Variants in EPHA5 observed in about 807,000 individuals in gnomAD.
EPHA5 encodes the protein ephrin type-A receptor 5.
EPHA5 carries 60 observed loss-of-function variants against 105.0 expected under a neutral mutation model. That is an observed-to-expected ratio of 0.57 (90% confidence interval 0.46 to 0.71). EPHA5 has a LOEUF of 0.71. Ranked by LOEUF, EPHA5 falls within the 30% of genes least tolerant of loss-of-function variation. EPHA5 has a pLI of 0.00. For synonymous variants in EPHA5, 513 were observed against 449.1 expected (o/e 1.14, Z -1.80); for missense variants, 1,218 against 1,274.7 (o/e 0.96, Z 0.68).
At chr4:65,639,889 T>C (rs1747485758) in intron 2 of EPHA5, among the ~76,000 whole-genome samples, 1 of 152,234 alleles carries the variant, frequency 6.6e-6, no homozygotes, top group Admixed American at 6.5e-5. Flanking sequence ...TTTGTTTTTA[T>C]ACTTTTCAAC....
chr4:65,344,589 T>G (rs1397735842), intron 14 of EPHA5, among the ~76,000 whole-genome samples: 1 of 151,996 alleles, frequency 6.6e-6, no homozygotes, highest in Admixed American at 6.6e-5. Context: ...TTCCCTTGAG[T>G]GAAGTAGACA....
At chr4:65,424,957 A>G (rs1293652752) in intron 5 of EPHA5, among the ~76,000 whole-genome samples, 1 of 152,136 alleles carries the variant, frequency 6.6e-6, no homozygotes, top group Non-Finnish European at 1.5e-5. Context: ...GGAATAAGAA[A>G]ATACCATTCA....
At chr4:65,561,019 TA>T (rs1377579717) in intron 3 of EPHA5, among the ~76,000 whole-genome samples, 2 of 152,054 alleles carry the variant, frequency 1.3e-5, no homozygotes, top group East Asian at 3.9e-4. Flanking sequence ...GAGTAAAACA[TA>T]ACTTTAAATC....
At chr4:65,466,910 G>A (rs779584655) in intron 5 of EPHA5, among the ~76,000 whole-genome samples, 2 of 152,136 alleles carry the variant, frequency 1.3e-5, no homozygotes, top group East Asian at 3.9e-4. Flanking sequence ...TTTCCTTTTC[G>A]TTCTACACAA....
At chr4:65,415,458 T>C (rs895463695) in intron 6 of EPHA5, among the ~76,000 whole-genome samples, 21 of 152,052 alleles carry the variant, frequency 1.4e-4, no homozygotes, top group African/African-American at 4.8e-4. Flanking sequence ...TAATACTATC[T>C]AAAATATACA....
At chr4:65,367,494 T>C (rs1358185258) in intron 8 of EPHA5, 70 bp from the exon 9 acceptor site, 6 of 1,424,532 alleles carry the variant, frequency 4.2e-6, no homozygotes, top group African/African-American at 2.8e-5. Context: ...CCCAGAAGCA[T>C]GAAGCACAAC....
At chr4:65,578,609 T>A (rs899455104) in intron 3 of EPHA5, among the ~76,000 whole-genome samples, 2 of 152,208 alleles carry the variant, frequency 1.3e-5, no homozygotes, top group African/African-American at 2.4e-5. Flanking sequence ...GTATCTAAAT[T>A]AAAGTTTTGT....
At position 65,365,973 on chromosome 4, in the gene EPHA5, A is replaced by C; in HGVS notation, c.1946T>G (p.Ile649Arg). The change falls in exon 10 of 17, where the codon ATA (isoleucine) becomes AGA (arginine). Residue 649 changes from isoleucine (I) to arginine (R), a missense_variant. Transcript: ENST00000613740. The part of the protein sequence containing the change: ...NQAVHEFAKE[I>R]EASCITIERV... ...CTCAATGGTGATACATGATGCTTCT[A>C]TCTCCTTAGCAAATTCGTGGACAGC... 1 of 1,609,556 alleles carries C rather than the reference A, an allele frequency of 6.2e-7. No individual in the cohort carries two copies. The highest frequency in any genetic ancestry group is 8.5e-7 in the Non-Finnish European group (1 of 1,176,874).
chr4:65,625,955 C>A (rs780743832), intron 2 of EPHA5, among the ~76,000 whole-genome samples: 2 of 151,970 alleles, frequency 1.3e-5, no homozygotes. Context: ...AAAAAATTAT[C>A]CGCGTTTGGT....
At chr4:65,540,680 C>T (rs1160942781) in intron 3 of EPHA5, among the ~76,000 whole-genome samples, 3 of 151,018 alleles carry the variant, frequency 2.0e-5, no homozygotes, top group African/African-American at 7.3e-5. Flanking sequence ...TTATTGAACC[C>T]CTGGCTGGTT....
chr4:65,365,684 TATATA>T lies in EPHA5; in HGVS notation c.1987+243_1987+247del, dbSNP rs1560458199. On this transcript the variant is annotated intron_variant, in intron 10 of 16. Transcript: ENST00000613740. ...ATATATATATATATATATATATATATATATAGTGAAACATTATCTATTTAAAATAT... is the reference window on the plus strand; with the variant it reads ...ATATATATATATATATATATATATATGTGAAACATTATCTATTTAAAATAT... 1.6e-3 allele frequency among the ~76,000 whole-genome samples: 178 copies of T among 110,046 alleles called. 17 individuals are homozygous for T. Among genetic ancestry groups the T allele is most frequent in the South Asian group, 0.01 (38 of 3,684 alleles). The allele number at this position is 110,046 out of a possible 152,430, so 72.2% of individuals were successfully genotyped here.
intron 5 of EPHA5, among the ~76,000 whole-genome samples, chr4:65,472,139 C>T (rs982128386): frequency 2.6e-5 from 4 of 152,066 alleles, no homozygotes; most frequent in Admixed American, 1.3e-4. Flanking sequence ...ATTGACCGAA[C>T]GAAGGGGCCA....
intron 5 of EPHA5, 33 bp from the exon 6 acceptor site, chr4:65,420,598 T>A (rs2149037693): frequency 6.2e-7 from 1 of 1,603,002 alleles, no homozygotes. Flanking sequence ...AGCAGTATGA[T>A]TAATAAGGCC....
At chr4:65,615,158 G>A (rs1745118180) in intron 2 of EPHA5, among the ~76,000 whole-genome samples, 4 of 151,484 alleles carry the variant, frequency 2.6e-5, no homozygotes. Flanking sequence ...AGATCTCTAG[G>A]AAAAATAAAA....
chr4:65,606,712 G>A (rs1744261803), intron 2 of EPHA5, among the ~76,000 whole-genome samples: 1 of 151,902 alleles, frequency 6.6e-6, no homozygotes, highest in Non-Finnish European at 1.5e-5. Flanking sequence ...TTTTTATTTT[G>A]TCACTCAGTA....
chr4:65,534,932 C>T (rs993869578), intron 3 of EPHA5, among the ~76,000 whole-genome samples: 7 of 152,162 alleles, frequency 4.6e-5, no homozygotes, highest in Non-Finnish European at 1.0e-4. Context: ...GTTTATCTTT[C>T]AGTGGAAATG....
At chr4:65,600,239 T>A (rs1306647958) in intron 3 of EPHA5, among the ~76,000 whole-genome samples, 1 of 152,162 alleles carries the variant, frequency 6.6e-6, no homozygotes, top group East Asian at 1.9e-4. Context: ...TATTAGAACA[T>A]TTCTTTAATT....
chr4:65,445,951 T>C (rs1726477806), intron 5 of EPHA5, among the ~76,000 whole-genome samples: 1 of 152,162 alleles, frequency 6.6e-6, no homozygotes, highest in Non-Finnish European at 1.5e-5. Flanking sequence ...ATCTCCTTTG[T>C]CACCAGTGTC....
intron 3 of EPHA5, among the ~76,000 whole-genome samples, chr4:65,524,237 C>T (rs1048566529): frequency 2.6e-5 from 4 of 151,478 alleles, no homozygotes; most frequent in African/African-American, 9.7e-5. Flanking sequence ...TTCAAAGTGA[C>T]CGAATAAAGG....
Sources: gnomAD v4.1 joint callset for allele counts (sites outside exome capture counted in the v4.1 genomes callset) on GRCh38, gnomAD v4.1.1 for gene constraint, MANE v1.5 for transcripts, NCBI Gene and HGNC (gene_info 2026-07-23, HGNC 2026-07-21) for gene names.